Variants in ANKS6 observed in about 807,000 individuals in gnomAD.
ANKS6 encodes the protein ankyrin repeat and sterile alpha motif domain containing 6, also known as ankyrin repeat and SAM domain-containing protein 6.
Under a neutral mutation model 77.9 loss-of-function variants are expected in ANKS6, and 47 were observed. The observed-to-expected ratio is 0.60, with a 90% confidence interval of 0.48 to 0.77. ANKS6 has a LOEUF of 0.77. ANKS6 is among the 30% of genes least tolerant of loss of function. The pLI is 0.00. For missense variants in ANKS6, 1,150 were observed against 1,159.1 expected (o/e 0.99, Z 0.11); for synonymous variants, 488 against 501.7 (o/e 0.97, Z 0.37).
chr9:98,774,001 C>A lies in ANKS6; in HGVS notation c.1697G>T (p.Ser566Ile), dbSNP rs760615211. 28 of 1,581,194 alleles carry A rather than the reference C, an allele frequency of 1.8e-5. No individual in the cohort carries two copies. The highest frequency in any genetic ancestry group is 2.4e-5 in the Non-Finnish European group (28 of 1,164,588). Residue 566 changes from serine to isoleucine, a missense_variant, in exon 9 of 15, where the codon AGT becomes ATT. Coordinates refer to ENST00000353234, the MANE Select transcript of ANKS6 (RefSeq NM_173551.5). ...CCGATCAGAGCTCCACAGCTCAAAA[C>A]TGGAAGGGGGTAGGAATGGGGGGAT... ...AVIPPFLPPS[S>I]FELWSSDRSR...
chr9:98,787,385 T>TG (rs1179781760), intron 2 of ANKS6, among the ~76,000 whole-genome samples: 53 of 151,992 alleles, frequency 3.5e-4, no homozygotes, highest in Non-Finnish European at 2.9e-5. Flanking sequence ...TTTTTTTTTT[T>TG]TTTAACCCTG....
intron 14 of ANKS6, among the ~76,000 whole-genome samples, chr9:98,738,637 A>G (rs1236718999): frequency 6.6e-6 from 1 of 152,150 alleles, no homozygotes; most frequent in African/African-American, 2.4e-5. Context: ...ACATTTCTAC[A>G]TTGCTGGTGG....
chr9:98,789,213 G>A (rs1834751359), intron 2 of ANKS6, among the ~76,000 whole-genome samples: 1 of 151,966 alleles, frequency 6.6e-6, no homozygotes, highest in South Asian at 2.1e-4. Context: ...AGAGCTAGAT[G>A]TTTATATACA....
chr9:98,744,942 G>A (rs1332758174), intron 14 of ANKS6, among the ~76,000 whole-genome samples: 3 of 152,078 alleles, frequency 2.0e-5, no homozygotes, highest in African/African-American at 7.2e-5. Flanking sequence ...CAACTACAAC[G>A]AAGCTTGCAA....
rs570339028 is a variant in ANKS6 at position 98,756,411 on chromosome 9, G to C, written c.2326+9C>G. The C allele has an allele frequency of 6.2e-7, 1 of 1,610,856 alleles. No individual in the cohort carries two copies. The highest frequency in any genetic ancestry group is 2.2e-5 in the East Asian group (1 of 44,620). Reference sequence around the variant, plus strand: ...AATAGGTGGGGTTTCAGGCCCTCAGGGGACTCACCCTCATCTGTGATGGTG... The same window carrying C: ...AATAGGTGGGGTTTCAGGCCCTCAGCGGACTCACCCTCATCTGTGATGGTG... On this transcript the variant is annotated intron_variant, in intron 12 of 14. Transcript: ENST00000353234.
intron 2 of ANKS6, among the ~76,000 whole-genome samples, chr9:98,785,609 T>C (rs1464808566): frequency 6.6e-6 from 1 of 152,146 alleles, no homozygotes; most frequent in Non-Finnish European, 1.5e-5. Flanking sequence ...GGCCAGCAGG[T>C]ACCCCATTCC....
chr9:98,794,117 T>C (rs1588426878), intron 1 of ANKS6, among the ~76,000 whole-genome samples: 1 of 123,268 alleles, frequency 8.1e-6, no homozygotes. Context: ...GCCACTGCAC[T>C]CCAGCCTGGT....
intron 10 of ANKS6, among the ~76,000 whole-genome samples, chr9:98,770,408 TGGATGACCTTAG>T (rs1262531420): frequency 6.6e-6 from 1 of 152,194 alleles, no homozygotes; most frequent in African/African-American, 2.4e-5. Flanking sequence ...TGGTTAATCC[TGGATGACCTTAG>T]GGAGGACTAG....
At position 98,778,288 on chromosome 9, in the gene ANKS6, G is replaced by A. The variant is rs1004609334; in HGVS notation, c.1505C>T (p.Ala502Val). ...AGAGCGGCTTGTCTTGTCCTGGGGG[G>A]CAGCCCTCATTGTGGAGTCCAGAGC... ...EPALDSTMRA[A>V]PQDKTSRSAL... Residue 502 changes from alanine (A) to valine (V), a missense_variant, in exon 7 of 15, where the codon GCC (alanine) becomes GTC (valine). Physicochemically the swap from Ala to Val is moderately conservative, Grantham distance 64. Transcript: ENST00000353234. The A allele has an allele frequency of 6.2e-7, 1 of 1,614,132 alleles. No individual in the cohort carries two copies. The highest frequency in any genetic ancestry group is 1.1e-5 in the South Asian group (1 of 91,076).
rs1040324636 is a variant in ANKS6, at chr9:98,796,508, G to A, written c.-17C>T. ...CTCGCCCATCGCCGCCGCCACGCGC[G>A]GCCCGCTCCCGTCCGCCCCGCCGGC... On this transcript the variant is annotated 5_prime_UTR_variant, in exon 1 of 15. Coordinates refer to ENST00000353234, the MANE Select transcript of ANKS6 (RefSeq NM_173551.5). 2.0e-6 allele frequency: 2 copies of A among 986,670 alleles called. No individual in the cohort carries two copies. The highest frequency in any genetic ancestry group is 2.4e-6 in the Non-Finnish European group (2 of 832,194). The allele number at this position is 986,670 out of a possible 1,614,324, so 61.1% of individuals were successfully genotyped here.
rs777763841 is a variant in ANKS6, at chr9:98,778,400, G to A, written c.1393C>T (p.Arg465Trp). 4.0e-5 allele frequency: 64 copies of A among 1,613,880 alleles called. No homozygotes were observed. The highest frequency in any genetic ancestry group is 5.1e-5 in the Non-Finnish European group (60 of 1,180,000). ...TGCATCAGTTTGAGCTTTCGGAACCGATTGGACATTCGGTTCCACCAGGAC... is the reference window on the plus strand; with the variant it reads ...TGCATCAGTTTGAGCTTTCGGAACCAATTGGACATTCGGTTCCACCAGGAC... ...LKSWWNRMSN[R>W]FRKLKLMQTL... The change falls in exon 7 of 15, where the codon CGG becomes TGG. Residue 465 changes from arginine (R) to tryptophan (W), a missense_variant. Transcript: ENST00000353234.
intron 14 of ANKS6, 72 bp downstream of exon 14, chr9:98,745,487 C>T (rs2131933398): frequency 6.9e-7 from 1 of 1,443,378 alleles, no homozygotes; most frequent in East Asian, 2.3e-5. Context: ...TAAGACCTTC[C>T]CAAGATCCCA....
At chr9:98,739,272 TA>T (rs1230451521) in intron 14 of ANKS6, among the ~76,000 whole-genome samples, 46 of 151,984 alleles carry the variant, frequency 3.0e-4, no homozygotes, top group Non-Finnish European at 5.0e-4. Context: ...TCTATGGAAA[TA>T]AAAAATTAAA....
At position 98,736,283 on chromosome 9, in the gene ANKS6, T is replaced by G; in HGVS notation, c.*236A>C. The G allele has an allele frequency of 7.4e-7, 1 of 1,351,406 alleles. No homozygotes were observed. Among genetic ancestry groups the G allele is most frequent in the Non-Finnish European group, 9.5e-7 (1 of 1,055,712 alleles). The allele number at this position is 1,351,406 out of a possible 1,614,324, so 83.7% of individuals were successfully genotyped here. Reference sequence around the variant, plus strand: ...CCCTGCATCACTGTGTGAACCAACCTGCCAAGCAGAAGCACCCCCACTGGA... The same window carrying G: ...CCCTGCATCACTGTGTGAACCAACCGGCCAAGCAGAAGCACCCCCACTGGA... On this transcript the variant is annotated 3_prime_UTR_variant, in exon 15 of 15. Transcript: ENST00000353234.
At chr9:98,766,240 C>T (rs1833277682) in intron 11 of ANKS6, among the ~76,000 whole-genome samples, 1 of 152,140 alleles carries the variant, frequency 6.6e-6, no homozygotes, top group Admixed American at 6.5e-5. Flanking sequence ...TGAGAATATA[C>T]TTATATATAA....
chr9:98,747,111 G>A (rs1482604027), intron 13 of ANKS6, among the ~76,000 whole-genome samples: 8 of 152,182 alleles, frequency 5.3e-5, no homozygotes. Flanking sequence ...TTTACAAACA[G>A]CTTTATGATC....
chr9:98,789,246 C>A (rs1476636907), intron 2 of ANKS6, among the ~76,000 whole-genome samples: 2 of 152,010 alleles, frequency 1.3e-5, no homozygotes, highest in Non-Finnish European at 2.9e-5. Context: ...TACTGTTACT[C>A]CCTGGCTGTG....
At position 98,772,852 on chromosome 9, in the gene ANKS6, C is replaced by A. The variant is rs544835003; in HGVS notation, c.1821+1025G>T. The stretch of plus-strand genomic sequence containing the variant: ...CTACCACACACGGTCACCTCTCTGG[C>A]GCTCCCACACTCCTAACACTGCTCC... On this transcript the variant is annotated intron_variant, in intron 9 of 14. Coordinates refer to ENST00000353234, the MANE Select transcript of ANKS6 (RefSeq NM_173551.5). Among the ~76,000 whole-genome samples the A allele has an allele frequency of 2.0e-5, 3 of 152,284 alleles. No individual in the cohort carries two copies. In the South Asian group the frequency reaches 6.2e-4, roughly 32 times the overall value.
chr9:98,786,080 G>A (rs1564222959), intron 2 of ANKS6, among the ~76,000 whole-genome samples: 1 of 152,098 alleles, frequency 6.6e-6, no homozygotes, highest in Admixed American at 6.5e-5. Flanking sequence ...CTGGGTTCAA[G>A]TGACTCTTGT....
Sources: gnomAD v4.1 joint callset for allele counts (sites outside exome capture counted in the v4.1 genomes callset) on GRCh38, gnomAD v4.1.1 for gene constraint, MANE v1.5 for transcripts, NCBI Gene and HGNC (gene_info 2026-07-23, HGNC 2026-07-21) for gene names.